C2CD2L: variants seen among roughly 807,000 people sequenced by gnomAD.
C2CD2L encodes C2CD2 like, also known as phospholipid transfer protein C2CD2L.
A neutral mutation model predicts 69.9 loss-of-function variants in C2CD2L; 24 were observed. That is an observed-to-expected ratio of 0.34 (90% CI 0.25 to 0.48). The LOEUF is 0.48. Ranked by LOEUF, C2CD2L falls within the 20% of genes least tolerant of loss-of-function variation. The pLI is 0.99. For synonymous variants in C2CD2L, 367 were observed against 391.0 expected, an observed-to-expected ratio of 0.94 and a Z score of 0.72; for missense variants, 811 against 941.5, an observed-to-expected ratio of 0.86 and a Z score of 1.81.
chr11:119,113,310 T>C, intron 10 of C2CD2L: 1 of 413,600 alleles, frequency 2.4e-6, no homozygotes, highest in African/African-American at 2.0e-5. Context: ...TCTGCCATTA[T>C]AGGGGCCCCA....
upstream of C2CD2L, among the ~76,000 whole-genome samples, chr11:119,105,101 T>A (rs1946557308): frequency 6.6e-6 from 1 of 152,250 alleles, no homozygotes; most frequent in South Asian, 2.1e-4. Context: ...ATCCCTACTA[T>A]GTGCATAGGA....
upstream of C2CD2L, among the ~76,000 whole-genome samples, chr11:119,106,362 G>A (rs1264329641): frequency 6.6e-6 from 1 of 152,220 alleles, no homozygotes. Context: ...CTTCCCACAT[G>A]TATGAAGAAG....
At chr11:119,105,459 T>C (rs1946563636), upstream of C2CD2L, among the ~76,000 whole-genome samples, 1 of 152,014 alleles carries the variant, frequency 6.6e-6, no homozygotes, top group Non-Finnish European at 1.5e-5. Context: ...GCCAACATGG[T>C]GAAACCCTGT....
chr11:119,111,662 C>G (rs755090059), intron 7 of C2CD2L, 33 bp downstream of exon 7: 1 of 1,463,442 alleles, frequency 6.8e-7, no homozygotes, highest in South Asian at 1.2e-5. Flanking sequence ...CCCCATGCTC[C>G]AGAGCAGAGA....
rs750749347 is a variant in C2CD2L at position 119,110,056 on chromosome 11, G to T, written c.355-48G>T. The T allele has an allele frequency of 2.9e-6, 4 of 1,381,342 alleles. No homozygotes were observed. The highest frequency in any genetic ancestry group is 1.4e-5 in the African/African-American group (1 of 70,314). The allele number at this position is 1,381,342 out of a possible 1,614,324, so 85.6% of individuals were successfully genotyped here. ...CAGCAACTGAGCAGGCCAACCCTGT[G>T]GGGGGCAGCTCCAGAGACCTGATCC... On this transcript the variant is annotated intron_variant, in intron 1 of 13. Transcript: ENST00000648610. The surrounding 1 kb of genome is among the most constrained non-coding windows in gnomAD (Gnocchi z 5.7).
chr11:119,107,623 C>T lies in C2CD2L; in HGVS notation c.-119C>T. 1 of 531,660 alleles carries T rather than the reference C, an allele frequency of 1.9e-6. No homozygotes were observed. Among genetic ancestry groups the T allele is most frequent in the Non-Finnish European group, 3.1e-6 (1 of 327,520 alleles). The allele number at this position is 531,660 out of a possible 1,614,324, so 32.9% of individuals were successfully genotyped here. On this transcript the variant is annotated 5_prime_UTR_variant, in exon 1 of 14. Coordinates refer to ENST00000648610, the MANE Select transcript of C2CD2L (RefSeq NM_001290474.2). The surrounding 1 kb of genome is among the most constrained non-coding windows in gnomAD (Gnocchi z 5.4). ...TGGGCACTCAGCCGCGGAGAGCCCCCGACCCCGCGCGCCCAGCCCCGGGGG... is the reference window on the plus strand; with the variant it reads ...TGGGCACTCAGCCGCGGAGAGCCCCTGACCCCGCGCGCCCAGCCCCGGGGG...
Position 119,110,467 on chromosome 11 carries a change from C to A in C2CD2L, c.451-94C>A. 1 of 1,399,152 alleles carries A rather than the reference C, an allele frequency of 7.1e-7. No homozygotes were observed. Among genetic ancestry groups the A allele is most frequent in the Non-Finnish European group, 9.6e-7 (1 of 1,047,042 alleles). 86.7% of individuals were successfully genotyped at this position (1,399,152 alleles called of 1,614,324 possible). A position where few individuals can be genotyped will look rare whatever the true frequency, so the allele number is the denominator to read the frequency against. On this transcript the variant is annotated intron_variant, in intron 2 of 13. Coordinates refer to ENST00000648610, the MANE Select transcript of C2CD2L (RefSeq NM_001290474.2). The surrounding 1 kb of genome is among the most constrained non-coding windows in gnomAD (Gnocchi z 5.7). ...TGAAAACATGAAGTCCTTAGGAAAA[C>A]GGAAGTGGGGAGGGGTCTGCTGAAC...
intron 9 of C2CD2L, 34 bp from the exon 10 acceptor site, chr11:119,112,666 G>A (rs747755293): frequency 6.2e-7 from 1 of 1,609,804 alleles, no homozygotes; most frequent in Non-Finnish European, 8.5e-7. Flanking sequence ...CAGTCTCCGA[G>A]GCTCTGTCTC....
At chr11:119,103,008 GATTACAGGCAGTAGCTGGA>G (rs1176525438), upstream of C2CD2L, among the ~76,000 whole-genome samples, 6 of 151,812 alleles carry the variant, frequency 4.0e-5, no homozygotes, top group African/African-American at 1.2e-4. Context: ...GAGTAGCTGG[GATTACAGGCAGTAGCTGGA>G]ATTACAGGCA....
Position 119,116,170 on chromosome 11 carries a change from G to T in C2CD2L, c.2035G>T (p.Ala679Ser). The T allele has an allele frequency of 6.2e-7, 1 of 1,614,232 alleles. No individual in the cohort carries two copies. The highest frequency in any genetic ancestry group is 1.3e-5 in the African/African-American group (1 of 75,068). Residue 679 changes from alanine to serine, a missense_variant, in exon 14 of 14, where the codon GCC becomes TCC. Transcript: ENST00000648610. ...GGCCACGCCCAGTGTCCGAAAGAAG[G>T]CCGGCAGCTTTTCTCGCCGCCTTAT... Reference protein sequence around the residue: ...ATATPSVRKKAGSFSRRLIKR... With the variant: ...ATATPSVRKKSGSFSRRLIKR...
rs143856870 is a variant in C2CD2L at position 119,116,057 on chromosome 11, G to C, written c.1922G>C (p.Arg641Pro). The change falls in exon 14 of 14, where the codon CGC (arginine) becomes CCC (proline). Residue 641 changes from arginine to proline, a missense_variant. Physicochemically the swap from Arg to Pro is moderately radical, Grantham distance 103. Coordinates refer to ENST00000648610, the MANE Select transcript of C2CD2L (RefSeq NM_001290474.2). ...SLKDHKVSFL[R>P]SGTKLIFRRR... ...TCTTCCCCTGCAGTGAGTTTCCTGC[G>C]CAGCGGCACTAAGCTCATCTTCCGC... is the stretch of plus-strand genomic sequence containing the variant. 1.9e-6 allele frequency: 3 copies of C among 1,613,334 alleles called. No individual in the cohort carries two copies. The highest frequency in any genetic ancestry group is 1.3e-5 in the African/African-American group (1 of 74,752).
chr11:119,108,158 GCTCGT>G (rs1309837123), intron 1 of C2CD2L, 63 bp downstream of exon 1: 5 of 1,166,324 alleles, frequency 4.3e-6, no homozygotes, highest in Admixed American at 4.7e-5. Context: ...GGGACTGACT[GCTCGT>G]GCTAGGAGGC....
At position 119,110,501 on chromosome 11, in the gene C2CD2L, G is replaced by T; in HGVS notation, c.451-60G>T. On this transcript the variant is annotated intron_variant, in intron 2 of 13. Transcript: ENST00000648610. The surrounding 1 kb of genome is among the most constrained non-coding windows in gnomAD (Gnocchi z 5.7). ...GGAGGGGTCTGCTGAACTATTACAG[G>T]GCAGTTCAAAGCAGGGTGAGCACCC... is the stretch of plus-strand genomic sequence containing the variant. 6.4e-7 allele frequency: 1 copy of T among 1,568,878 alleles called. No individual in the cohort carries two copies.
intron 9 of C2CD2L, 26 bp downstream of exon 9, chr11:119,112,635 T>TG (rs1366870603): frequency 1.9e-6 from 3 of 1,607,302 alleles, no homozygotes; most frequent in Non-Finnish European, 1.7e-6. Context: ...CTGGGGTAGG[T>TG]GGGAGGACAC....
Position 119,110,896 on chromosome 11 carries a change from G to A in C2CD2L, c.620G>A (p.Trp207Ter). 2 of 1,614,164 alleles carry A rather than the reference G, an allele frequency of 1.2e-6. No individual in the cohort carries two copies. The highest frequency in any genetic ancestry group is 1.7e-6 in the Non-Finnish European group (2 of 1,180,012). Residue 207 changes from tryptophan (W) to a stop codon, truncating the protein, a stop_gained, in exon 4 of 14, where the codon TGG becomes TAG. Transcript: ENST00000648610. LOFTEE classifies it high-confidence loss of function. This position sits in a 1 kb window ranked among gnomAD's most constrained non-coding sequence, Gnocchi z 5.7. ...EIPGEGLLIS[W>*]AFTDRPDLSL... ...CCTGGTGAGGGGCTGCTCATATCCT[G>A]GGCCTTCACTGATCGCCCAGATCTC...
In C2CD2L at chr11:119,109,956, T is replaced by C. The variant is rs1268952591; in HGVS notation, c.355-148T>C. 1 of 630,228 alleles carries C rather than the reference T, an allele frequency of 1.6e-6. No individual in the cohort carries two copies. Among genetic ancestry groups the C allele is most frequent in the East Asian group, 2.8e-5 (1 of 36,148 alleles). 39.0% of individuals were successfully genotyped at this position (630,228 alleles called of 1,614,324 possible). A position where few individuals can be genotyped will look rare whatever the true frequency, so the allele number is the denominator to read the frequency against. ...GGCAGGCCTTGAGGGGACTACCTCC[T>C]GTCTTAAAGCCCTGAGCCAAGGAGG... On this transcript the variant is annotated intron_variant, in intron 1 of 13. Coordinates refer to ENST00000648610, the MANE Select transcript of C2CD2L (RefSeq NM_001290474.2). The surrounding 1 kb of genome is among the most constrained non-coding windows in gnomAD (Gnocchi z 5.1).
In C2CD2L at chr11:119,114,158, G is replaced by A; in HGVS notation, c.1702G>A (p.Gly568Arg). Residue 568 changes from glycine to arginine, a missense_variant, in exon 13 of 14, where the codon GGG becomes AGG. Coordinates refer to ENST00000648610, the MANE Select transcript of C2CD2L (RefSeq NM_001290474.2). This position sits in a 1 kb window ranked among gnomAD's most constrained non-coding sequence, Gnocchi z 5.1. Reference sequence around the variant, plus strand: ...GGAAGCCTCAGTGCAGGATGATGCAGGGACCAGCGGAGGCCCCTCTTCACC... The same window carrying A: ...GGAAGCCTCAGTGCAGGATGATGCAAGGACCAGCGGAGGCCCCTCTTCACC... Reference protein sequence around the residue: ...SLEASVQDDAGTSGGPSSPPS... With the variant: ...SLEASVQDDARTSGGPSSPPS... 1 of 1,614,136 alleles carries A rather than the reference G, an allele frequency of 6.2e-7. No homozygotes were observed. Among genetic ancestry groups the A allele is most frequent in the Non-Finnish European group, 8.5e-7 (1 of 1,180,016 alleles).
upstream of C2CD2L, among the ~76,000 whole-genome samples, chr11:119,105,297 G>A (rs971970362): frequency 1.3e-5 from 2 of 152,176 alleles, no homozygotes; most frequent in African/African-American, 4.8e-5. Context: ...CAATCAGCTA[G>A]ACTCTAAGGC....
Position 119,109,282 on chromosome 11 carries a change from A to G in C2CD2L, c.355-822A>G, listed in dbSNP as rs907575490. 3.3e-5 allele frequency among the ~76,000 whole-genome samples: 5 copies of G among 152,228 alleles called. No homozygotes were observed. Among genetic ancestry groups the G allele is most frequent in the Non-Finnish European group, 5.9e-5 (4 of 68,038 alleles). ...TTTGTTTCCTCCATCTCAAGACCCA[A>G]GGAAGAGTTGCCAGCCAATTCTGTG... On this transcript the variant is annotated intron_variant, in intron 1 of 13. Coordinates refer to ENST00000648610, the MANE Select transcript of C2CD2L (RefSeq NM_001290474.2). This position sits in a 1 kb window ranked among gnomAD's most constrained non-coding sequence, Gnocchi z 5.1.
Sources: gnomAD v4.1 joint callset for allele counts (sites outside exome capture counted in the v4.1 genomes callset) on GRCh38, gnomAD v4.1.1 for gene constraint, Gnocchi (gnomAD v3.1) non-coding constraint, MANE v1.5 for transcripts, NCBI Gene and HGNC (gene_info 2026-07-23, HGNC 2026-07-21) for gene names.